PELI3: variants seen among roughly 807,000 people sequenced by gnomAD.
PELI3 encodes the protein E3 ubiquitin-protein ligase pellino homolog 3.
PELI3 carries 19 observed loss-of-function variants against 35.5 expected under a neutral mutation model. That is an observed-to-expected ratio of 0.54 (90% CI 0.37 to 0.79). The LOEUF (loss-of-function observed/expected upper bound fraction) is 0.79, where lower values mean the gene tolerates loss of function less well. Ranked by LOEUF, PELI3 falls within the 30% of genes least tolerant of loss-of-function variation. The pLI is 0.00. For synonymous variants in PELI3, 262 were observed against 279.2 expected (o/e 0.94, Z 0.62); for missense variants, 490 against 661.2 (o/e 0.74, Z 2.84).
rs373269274 is a variant in PELI3 at position 66,475,880 on chromosome 11, C to T, written c.1123C>T (p.Arg375Trp). 7.3e-5 allele frequency: 117 copies of T among 1,606,254 alleles called. 1 individual carries two copies. Among genetic ancestry groups the T allele is most frequent in the South Asian group, 4.4e-4 (40 of 90,556 alleles). ...VHGYHGWGCR[R>W]ERGPQERECP... ...TGGCTACCACGGCTGGGGCTGCCGG[C>T]GGGAGCGGGGCCCCCAGGAGCGCGA... Residue 375 changes from arginine to tryptophan, a missense_variant, in exon 8 of 8, where the codon CGG becomes TGG. Arg to Trp is a moderately radical substitution (Grantham distance 101). Transcript: ENST00000320740.
At position 66,476,413 on chromosome 11, in the gene PELI3, GCCC is replaced by G; in HGVS notation, c.*248_*250del. 1 of 555,760 alleles carries G rather than the reference GCCC, an allele frequency of 1.8e-6. No homozygotes were observed. Among genetic ancestry groups the G allele is most frequent in the East Asian group, 3.1e-5 (1 of 32,578 alleles). 34.4% of individuals were successfully genotyped at this position (555,760 alleles called of 1,614,324 possible). A position where few individuals can be genotyped will look rare whatever the true frequency, so the allele number is the denominator to read the frequency against. On this transcript the variant is annotated 3_prime_UTR_variant, in exon 8 of 8. Coordinates refer to ENST00000320740, the MANE Select transcript of PELI3 (RefSeq NM_145065.3). Reference sequence around the variant, plus strand: ...TCCTGGGTCGATGGAGGAAAGCCCAGCCCCATGGCCTTGCCCTTCCTGGGGCAT... The same window carrying G: ...TCCTGGGTCGATGGAGGAAAGCCCAGCATGGCCTTGCCCTTCCTGGGGCAT...
chr11:66,471,124 A>C (rs1393441212), intron 3 of PELI3, 118 bp from the exon 4 acceptor site: 1 of 1,322,864 alleles, frequency 7.6e-7, no homozygotes, highest in African/African-American at 1.5e-5. Flanking sequence ...GAGCTTGTTT[A>C]TTAAGGTAGG....
In PELI3 at chr11:66,468,250, C is replaced by T. The variant is rs1854605177; in HGVS notation, c.122C>T (p.Pro41Leu). ...PGEDAQPGEE[P>L]IKYGELIVLG... Reference sequence around the variant, plus strand: ...GAAGATGCGCAGCCAGGCGAGGAGCCCATCAAGTATGGTGAACTCATCGTC... The same window carrying T: ...GAAGATGCGCAGCCAGGCGAGGAGCTCATCAAGTATGGTGAACTCATCGTC... The change falls in exon 2 of 8, where the codon CCC becomes CTC. Residue 41 changes from proline (P) to leucine (L), a missense_variant. Around this residue, in one of 3 missense-constraint regions of PELI3, gnomAD observed 137 missense variants for 157.1 expected, o/e 0.87. Coordinates refer to ENST00000320740, the MANE Select transcript of PELI3 (RefSeq NM_145065.3). The T allele has an allele frequency of 6.3e-7, 1 of 1,582,360 alleles. No homozygotes were observed.
chr11:66,475,834 C>A lies in PELI3; in HGVS notation c.1077C>A (p.Tyr359Ter). The change falls in exon 8 of 8, where the codon TAC (tyrosine) becomes TAA (stop). Residue 359 changes from tyrosine (Y) to a stop codon, truncating the protein, a stop_gained. Coordinates refer to ENST00000320740, the MANE Select transcript of PELI3 (RefSeq NM_145065.3). LOFTEE classifies it high-confidence loss of function. ...CCGACAAACAGCAGCCCTGGGTCTACGTCCGCTGCGGGCACGTCCATGGCT... is the reference window on the plus strand; with the variant it reads ...CCGACAAACAGCAGCCCTGGGTCTAAGTCCGCTGCGGGCACGTCCATGGCT... ...TAPDKQQPWV[Y>*]VRCGHVHGYH... is the part of the protein sequence containing the mutation. 6.2e-7 allele frequency: 1 copy of A among 1,606,548 alleles called. No homozygotes were observed. The highest frequency in any genetic ancestry group is 8.5e-7 in the Non-Finnish European group (1 of 1,177,510).
rs1404189982 is a variant in PELI3 at position 66,467,465 on chromosome 11, G to C, written c.-2+438G>C. On this transcript the variant is annotated intron_variant, in intron 1 of 7. Transcript: ENST00000320740. The surrounding 1 kb of genome is among the most constrained non-coding windows in gnomAD (Gnocchi z 4.2). ...TGAGACCCGGGCGGCTGGGGACGCA[G>C]ACAGACACCTGAGGGAGGGAAGAGC... is the stretch of plus-strand genomic sequence containing the variant. 1 of 152,332 alleles carries C rather than the reference G, an allele frequency of 6.6e-6. No individual in the cohort carries two copies. The highest frequency in any genetic ancestry group is 1.5e-5 in the Non-Finnish European group (1 of 68,154). The allele number at this position is 152,332 out of a possible 1,614,324, so 9.4% of individuals were successfully genotyped here. A position where few individuals can be genotyped will look rare whatever the true frequency, so the allele number is the denominator to read the frequency against.
rs758623139 is a variant in PELI3, at chr11:66,476,040, G to A, written c.1283G>A (p.Arg428His). ...CGHVCSEKTA[R>H]YWAQTPLPHG... ...CACGTCTGCTCTGAGAAGACTGCCC[G>A]CTACTGGGCCCAGACACCACTGCCC... Residue 428 changes from arginine (R) to histidine (H), a missense_variant, in exon 8 of 8, where the codon CGC (arginine) becomes CAC (histidine). Coordinates refer to ENST00000320740, the MANE Select transcript of PELI3 (RefSeq NM_145065.3). 2.0e-5 allele frequency: 33 copies of A among 1,611,238 alleles called. No homozygotes were observed. Among genetic ancestry groups the A allele is most frequent in the Middle Eastern group, 1.6e-4 (1 of 6,080 alleles).
chr11:66,475,481 C>T (rs1009011264), intron 7 of PELI3, 117 bp from the exon 8 acceptor site: 2 of 1,140,462 alleles, frequency 1.8e-6, no homozygotes, highest in African/African-American at 1.6e-5. Context: ...CTGCCTTGCT[C>T]CTCTGCCCTG....
At chr11:66,472,022 G>A (rs1431809736) in intron 4 of PELI3, among the ~76,000 whole-genome samples, 4 of 150,040 alleles carry the variant, frequency 2.7e-5, no homozygotes, top group Non-Finnish European at 4.4e-5. Flanking sequence ...ACCACACCCA[G>A]CTAATTTTTT....
Position 66,467,192 on chromosome 11 carries a change from C to G in PELI3, c.-2+165C>G, listed in dbSNP as rs1427912184. ...CCCTGCGGTCGCGGGTGCGGGTGGT[C>G]TCTGCGCCGTCCGGGCCCGGGGCGT... On this transcript the variant is annotated intron_variant, in intron 1 of 7. Coordinates refer to ENST00000320740, the MANE Select transcript of PELI3 (RefSeq NM_145065.3). The surrounding 1 kb of genome is among the most constrained non-coding windows in gnomAD (Gnocchi z 4.2). Among the ~76,000 whole-genome samples, 12 of 149,968 alleles carry G rather than the reference C, an allele frequency of 8.0e-5. 1 individual carries two copies. Among genetic ancestry groups the G allele is most frequent in the Non-Finnish European group, 5.9e-5 (4 of 67,234 alleles).
At chr11:66,471,882 C>G (rs558599671) in intron 4 of PELI3, among the ~76,000 whole-genome samples, 3 of 152,060 alleles carry the variant, frequency 2.0e-5, no homozygotes, top group African/African-American at 7.2e-5. Context: ...ATTTTTGAAA[C>G]GGAATCTCGT....
Position 66,473,836 on chromosome 11 carries a change from T to C in PELI3, c.751T>C (p.Ser251Pro), listed in dbSNP as rs1172139797. The change falls in exon 7 of 8, where the codon TCA becomes CCA. Residue 251 changes from serine to proline, a missense_variant. By Grantham distance (74) the Ser-to-Pro change is moderately conservative. Transcript: ENST00000320740. This position sits in a 1 kb window ranked among gnomAD's most constrained non-coding sequence, Gnocchi z 5.8. ...CCCGGCAGGCGGCTTCTCCGAGGACTCAGCCCCGGGTGTCTGGCGGGAGAT... is the reference window on the plus strand; with the variant it reads ...CCCGGCAGGCGGCTTCTCCGAGGACCCAGCCCCGGGTGTCTGGCGGGAGAT... Reference protein sequence around the residue: ...MHPAGGFSEDSAPGVWREISV... With the variant: ...MHPAGGFSEDPAPGVWREISV... 6.2e-7 allele frequency: 1 copy of C among 1,613,758 alleles called. No individual in the cohort carries two copies. Among genetic ancestry groups the C allele is most frequent in the Non-Finnish European group, 8.5e-7 (1 of 1,180,008 alleles).
intron 1 of PELI3, 79 bp from the exon 2 acceptor site, chr11:66,468,049 C>A: frequency 6.1e-6 from 9 of 1,480,166 alleles, no homozygotes; most frequent in Non-Finnish European, 7.2e-6. Flanking sequence ...CCTAGGCGGC[C>A]CTGCAGCAGG....
chr11:66,466,473 C>A (rs7925093), upstream of PELI3: 1 of 152,268 alleles, frequency 6.6e-6, no homozygotes, highest in African/African-American at 2.4e-5. Flanking sequence ...GCTGGGGGTG[C>A]GTAGTCCCGG....
At chr11:66,471,033 T>G (rs989231946) in intron 3 of PELI3, among the ~76,000 whole-genome samples, 5 of 152,298 alleles carry the variant, frequency 3.3e-5, no homozygotes, top group Admixed American at 3.3e-4. Context: ...AAAGTGCTTT[T>G]GAAACTGCTC....
intron 4 of PELI3, among the ~76,000 whole-genome samples, chr11:66,471,743 A>G (rs941567194): frequency 1.8e-4 from 27 of 151,988 alleles, no homozygotes; most frequent in African/African-American, 6.0e-4. Flanking sequence ...TAAAGGAAAA[A>G]CCTTTGACTT....
At chr11:66,474,332 G>T (rs1590721722) in intron 7 of PELI3, 1 of 534,690 alleles carries the variant, frequency 1.9e-6, no homozygotes, top group East Asian at 3.4e-5. Context: ...CGTTCAGACA[G>T]GTTTAGCACT....
intron 7 of PELI3, chr11:66,474,827 T>G (rs1291603272): frequency 1.3e-5 from 2 of 152,202 alleles, no homozygotes; most frequent in African/African-American, 4.8e-5. Context: ...CCTCCTGGGT[T>G]CAAGTGATTC....
At chr11:66,475,431 G>C in intron 7 of PELI3, 167 bp from the exon 8 acceptor site, 1 of 629,066 alleles carries the variant, frequency 1.6e-6, no homozygotes, top group East Asian at 3.0e-5. Flanking sequence ...GGATCAGCAT[G>C]TGCCTGGGAT....
chr11:66,475,555 A>G, intron 7 of PELI3, 43 bp from the exon 8 acceptor site: 2 of 1,595,632 alleles, frequency 1.3e-6, no homozygotes, highest in Admixed American at 3.6e-5. Flanking sequence ...GCGGCTCAGC[A>G]GGGGCCTCTT....
Sources: allele counts gnomAD v4.1 joint callset (sites outside exome capture counted in the v4.1 genomes callset), GRCh38; gene constraint gnomAD v4.1.1; regional missense constraint gnomAD v4.1.1; non-coding constraint Gnocchi (gnomAD v3.1); transcripts MANE v1.5; gene names NCBI Gene and HGNC (gene_info 2026-07-23, HGNC 2026-07-21).